The following UNC5D variants were observed in gnomAD, a reference collection of about 807,000 sequenced individuals.
UNC5D encodes the protein unc-5 netrin receptor D.
UNC5D carries 39 observed loss-of-function variants against 105.4 expected under a neutral mutation model. The ratio of observed to expected loss-of-function variants is 0.37; its 90% confidence interval spans 0.29 to 0.48. The LOEUF is 0.48. Among genes scored for constraint, UNC5D ranks in the 20% least tolerant of loss-of-function variants. The pLI is 0.98. For synonymous variants in UNC5D, 452 were observed against 450.4 expected (o/e 1.00, Z -0.04); for missense variants, 991 against 1,202.4 (o/e 0.82, Z 2.60).
At chr8:35,294,217 G>A (rs531448091) in intron 1 of UNC5D, among the ~76,000 whole-genome samples, 3 of 152,098 alleles carry the variant, frequency 2.0e-5, no homozygotes, top group Non-Finnish European at 2.9e-5. Context: ...AAAACAGCAC[G>A]GTTAGCGTAT....
At chr8:35,617,544 G>A (rs1239726258) in intron 4 of UNC5D, among the ~76,000 whole-genome samples, 1 of 152,176 alleles carries the variant, frequency 6.6e-6, no homozygotes, top group Admixed American at 6.5e-5. Flanking sequence ...ATCCTACGGA[G>A]CTGTGATCTT....
chr8:35,317,881 C>T (rs1052462122), intron 1 of UNC5D, among the ~76,000 whole-genome samples: 1 of 152,090 alleles, frequency 6.6e-6, no homozygotes, highest in Non-Finnish European at 1.5e-5. Context: ...TTAGACAAGA[C>T]AACTTAGTTC....
At chr8:35,570,445 A>G (rs921097653) in intron 3 of UNC5D, among the ~76,000 whole-genome samples, 8 of 152,190 alleles carry the variant, frequency 5.3e-5, no homozygotes, top group African/African-American at 1.9e-4. Flanking sequence ...ACATATGAGC[A>G]TTTATCAATC....
At chr8:35,747,681 T>TCC (rs1490123985) in intron 11 of UNC5D, among the ~76,000 whole-genome samples, 1 of 152,136 alleles carries the variant, frequency 6.6e-6, no homozygotes, top group Non-Finnish European at 1.5e-5. Flanking sequence ...TGTAAACTAC[T>TCC]CCTCCTTACC....
chr8:35,460,867 A>G (rs1808835336), intron 1 of UNC5D, among the ~76,000 whole-genome samples: 1 of 152,210 alleles, frequency 6.6e-6, no homozygotes, highest in South Asian at 2.1e-4. Context: ...TGTCCTCACC[A>G]TCAGCAACAG....
intron 4 of UNC5D, among the ~76,000 whole-genome samples, chr8:35,661,124 CTT>C (rs1184433368): frequency 1.3e-5 from 2 of 151,638 alleles, no homozygotes; most frequent in African/African-American, 2.4e-5. Flanking sequence ...AAAAAAAAGA[CTT>C]ATAAATTCCT....
At chr8:35,393,904 A>G (rs1803935924) in intron 1 of UNC5D, among the ~76,000 whole-genome samples, 1 of 152,194 alleles carries the variant, frequency 6.6e-6, no homozygotes, top group African/African-American at 2.4e-5. Context: ...AGAAAAAAGA[A>G]ATAATTATAT....
chr8:35,284,325 CT>C (rs1806424985), intron 1 of UNC5D, among the ~76,000 whole-genome samples: 2 of 152,288 alleles, frequency 1.3e-5, no homozygotes, highest in South Asian at 4.1e-4. Context: ...AAATTCACTA[CT>C]TTTGGTGACA....
intron 7 of UNC5D, among the ~76,000 whole-genome samples, chr8:35,704,907 G>A (rs1309071578): frequency 6.6e-6 from 1 of 151,730 alleles, no homozygotes; most frequent in East Asian, 1.9e-4. Context: ...GACACTGGGG[G>A]CATTGAGAAA....
chr8:35,239,434 A>G (rs1585389263), intron 1 of UNC5D, among the ~76,000 whole-genome samples: 2 of 151,426 alleles, frequency 1.3e-5, no homozygotes, highest in Non-Finnish European at 1.5e-5. Flanking sequence ...AAGCACTGCC[A>G]GTGTTTATCA....
chr8:35,666,824 AG>A (rs1824454557), intron 4 of UNC5D, among the ~76,000 whole-genome samples: 1 of 152,190 alleles, frequency 6.6e-6, no homozygotes, highest in South Asian at 2.1e-4. Context: ...TGACATGTAA[AG>A]GCAATGTAAT....
chr8:35,565,435 GTCTTT>G (rs1817270915), intron 2 of UNC5D, among the ~76,000 whole-genome samples: 1 of 151,960 alleles, frequency 6.6e-6, no homozygotes, highest in South Asian at 2.1e-4. Flanking sequence ...GGGATTATTT[GTCTTT>G]TCTTGCTGAC....
At chr8:35,724,600 G>A (rs1214408028) in intron 9 of UNC5D, among the ~76,000 whole-genome samples, 1 of 152,142 alleles carries the variant, frequency 6.6e-6, no homozygotes, top group Non-Finnish European at 1.5e-5. Flanking sequence ...CCAGAATCAG[G>A]CATTTCCCGC....
intron 1 of UNC5D, among the ~76,000 whole-genome samples, chr8:35,529,512 G>A (rs1238359827): frequency 6.4e-5 from 9 of 139,694 alleles, no homozygotes; most frequent in African/African-American, 2.5e-4. Context: ...TTTTGGCTTA[G>A]GATTGACTTG....
chr8:35,717,847 T>C (rs1033305345), intron 8 of UNC5D, among the ~76,000 whole-genome samples: 2 of 152,226 alleles, frequency 1.3e-5, no homozygotes, highest in African/African-American at 2.4e-5. Flanking sequence ...TCTCTCCTTA[T>C]AACAACATTT....
rs141980448 is a variant in UNC5D, at chr8:35,650,954, G to A, written c.571-32593G>A. Among the ~76,000 whole-genome samples, 74 of 152,312 alleles carry A rather than the reference G, an allele frequency of 4.9e-4. 1 individual carries two copies. The East Asian group carries it at 7.1e-3, about 15-fold the overall frequency. On this transcript the variant is annotated intron_variant, in intron 4 of 16. Coordinates refer to ENST00000404895, the MANE Select transcript of UNC5D (RefSeq NM_080872.4). ...CATTAAGTCCTTTCAAAGTCTGGTA[G>A]TCTTCTTAGTCTGACAGATGTTTGG... is the stretch of plus-strand genomic sequence containing the variant.
At chr8:35,316,104 G>A (rs1809286046) in intron 1 of UNC5D, among the ~76,000 whole-genome samples, 1 of 152,166 alleles carries the variant, frequency 6.6e-6, no homozygotes, top group Admixed American at 6.5e-5. Flanking sequence ...TAATCGAATA[G>A]TATATTGAAG....
chr8:35,359,065 C>A (rs892107785), intron 1 of UNC5D, among the ~76,000 whole-genome samples: 2 of 152,146 alleles, frequency 1.3e-5, no homozygotes, highest in African/African-American at 4.8e-5. Flanking sequence ...GCAGGAGGAT[C>A]ACTTGAGCCC....
At position 35,451,019 on chromosome 8, in the gene UNC5D, G is replaced by A. The variant is rs562496366; in HGVS notation, c.104-98273G>A. On this transcript the variant is annotated intron_variant, in intron 1 of 16. Coordinates refer to ENST00000404895, the MANE Select transcript of UNC5D (RefSeq NM_080872.4). The stretch of plus-strand genomic sequence containing the variant: ...TTGGGGTATAACCCTATCATAAATC[G>A]AGGAGCATCTATAATAATAATCTTT... 4.0e-5 allele frequency among the ~76,000 whole-genome samples: 6 copies of A among 150,874 alleles called. No individual in the cohort carries two copies. The South Asian group carries it at 8.4e-4, about 21-fold the overall frequency.
Sources: gnomAD v4.1 joint callset for allele counts (sites outside exome capture counted in the v4.1 genomes callset) on GRCh38, gnomAD v4.1.1 for gene constraint, MANE v1.5 for transcripts, NCBI Gene and HGNC (gene_info 2026-07-23, HGNC 2026-07-21) for gene names.